Variants in MALRD1 observed in about 807,000 individuals in gnomAD.
MALRD1 encodes the protein MAM and LDL-receptor class A domain-containing protein 1.
In MALRD1, 247 loss-of-function variants were observed where a neutral mutation model predicts 242.1. That is an observed-to-expected ratio of 1.02 (90% CI 0.92 to 1.13). The LOEUF (loss-of-function observed/expected upper bound fraction) is 1.13, where lower values mean the gene tolerates loss of function less well. MALRD1 is among the 50% of genes most tolerant of loss of function. The pLI is 0.00. For missense variants in MALRD1, 2,989 were observed against 2,533.1 expected (o/e 1.18, Z -3.86); for synonymous variants, 995 against 866.6 (o/e 1.15, Z -2.60).
At chr10:19,415,909 C>A (rs1251438987) in intron 28 of MALRD1, among the ~76,000 whole-genome samples, 1 of 152,122 alleles carries the variant, frequency 6.6e-6, no homozygotes, top group Non-Finnish European at 1.5e-5. Flanking sequence ...ATTAAGAATA[C>A]GGCTTGATAA....
chr10:19,057,623 AAC>A (rs1177350729), intron 1 of MALRD1, among the ~76,000 whole-genome samples: 3 of 152,202 alleles, frequency 2.0e-5, no homozygotes, highest in African/African-American at 7.2e-5. Context: ...AGTCAGAAAA[AAC>A]ACAGATGTGC....
intron 2 of MALRD1, among the ~76,000 whole-genome samples, chr10:19,071,404 C>A (rs2131256613): frequency 6.6e-6 from 1 of 151,910 alleles, no homozygotes; most frequent in South Asian, 2.1e-4. Context: ...CAGGAGAGAG[C>A]AGTCCTTCTC....
intron 32 of MALRD1, among the ~76,000 whole-genome samples, chr10:19,565,951 C>T (rs966409683): frequency 1.3e-5 from 2 of 152,002 alleles, no homozygotes; most frequent in African/African-American, 4.8e-5. Flanking sequence ...CCATTAACAT[C>T]TCGATTTCTG....
chr10:19,144,596 C>T (rs930708280), intron 10 of MALRD1, among the ~76,000 whole-genome samples: 9 of 152,186 alleles, frequency 5.9e-5, no homozygotes, highest in African/African-American at 2.2e-4. Flanking sequence ...TTAAATTGGC[C>T]GTATTAAAAT....
chr10:19,504,754 C>G (rs1381772467), intron 31 of MALRD1, among the ~76,000 whole-genome samples: 1 of 142,324 alleles, frequency 7.0e-6, no homozygotes, highest in African/African-American at 2.7e-5. Context: ...GCAATCTCGG[C>G]TCACTGCAAG....
At chr10:19,498,841 A>G (rs1222584970) in intron 31 of MALRD1, among the ~76,000 whole-genome samples, 195 bp downstream of exon 31, 2 of 152,216 alleles carry the variant, frequency 1.3e-5, no homozygotes, top group African/African-American at 4.8e-5. Flanking sequence ...CACTGCTACA[A>G]CAAAGCAACT....
chr10:19,605,383 G>C (rs1049055062), intron 34 of MALRD1, among the ~76,000 whole-genome samples: 3 of 151,278 alleles, frequency 2.0e-5, no homozygotes, highest in Non-Finnish European at 4.4e-5. Context: ...GGCCAGGCTG[G>C]TCTCAAACTC....
At chr10:19,589,154 A>T (rs1837618953) in intron 33 of MALRD1, among the ~76,000 whole-genome samples, 1 of 152,228 alleles carries the variant, frequency 6.6e-6, no homozygotes, top group Admixed American at 6.5e-5. Context: ...ACTGAAACAT[A>T]GGTTCTAAGG....
chr10:19,562,126 T>A (rs1352216775), intron 32 of MALRD1, among the ~76,000 whole-genome samples: 1 of 152,114 alleles, frequency 6.6e-6, no homozygotes, highest in Non-Finnish European at 1.5e-5. Flanking sequence ...TGAAACCCTG[T>A]CTCTACTAAA....
chr10:19,447,242 T>A (rs900699906), intron 28 of MALRD1, among the ~76,000 whole-genome samples: 1 of 152,212 alleles, frequency 6.6e-6, no homozygotes, highest in Non-Finnish European at 1.5e-5. Flanking sequence ...TACCTGGCAC[T>A]GTGTGAGCAC....
intron 21 of MALRD1, among the ~76,000 whole-genome samples, chr10:19,295,124 T>G (rs373950791): frequency 1.3e-5 from 2 of 152,094 alleles, no homozygotes; most frequent in Non-Finnish European, 2.9e-5. Flanking sequence ...CGTTGAACAA[T>G]GTATAGCTTT....
rs532150467 is a variant in MALRD1 at position 19,327,004 on chromosome 10, G to A, written c.3577-559G>A. ...TAATCTGGATTCTGCTTTACATTGGGGGTACAGTACTGATGAGAATATGTT... is the reference window on the plus strand; with the variant it reads ...TAATCTGGATTCTGCTTTACATTGGAGGTACAGTACTGATGAGAATATGTT... On this transcript the variant is annotated intron_variant, in intron 22 of 39. Transcript: ENST00000454679. Among the ~76,000 whole-genome samples the A allele has an allele frequency of 3.3e-5, 5 of 152,068 alleles. No homozygotes were observed. In the East Asian group the frequency reaches 9.7e-4, roughly 29 times the overall value.
At chr10:19,288,978 ATC>A (rs1017431212) in intron 21 of MALRD1, among the ~76,000 whole-genome samples, 4 of 151,864 alleles carry the variant, frequency 2.6e-5, no homozygotes, top group African/African-American at 9.7e-5. Flanking sequence ...CTGCTTTTGG[ATC>A]TCTCTTTTGT....
At chr10:19,188,660 A>G (rs72792611) in intron 14 of MALRD1, among the ~76,000 whole-genome samples, 13,058 of 152,168 alleles carry the variant, frequency 0.086, 730 homozygotes, top group South Asian at 0.3. Context: ...GCAAATCTTT[A>G]TGTTCAACGG....
At chr10:19,619,555 CAT>C (rs1405629267) in intron 36 of MALRD1, among the ~76,000 whole-genome samples, 19 of 151,914 alleles carry the variant, frequency 1.3e-4, no homozygotes, top group African/African-American at 2.4e-5. Flanking sequence ...ACAAATTACA[CAT>C]GATATAAATT....
In MALRD1 at chr10:19,241,759, TCTTA is replaced by T. The variant is rs1357597210; in HGVS notation, c.2992-15921_2992-15918del. 7.9e-5 allele frequency among the ~76,000 whole-genome samples: 12 copies of T among 152,318 alleles called. 1 individual carries two copies. The highest frequency in any genetic ancestry group is 7.9e-4 in the Admixed American group (12 of 15,278). Reference sequence around the variant, plus strand: ...AGGTTTGGGTATGTTGGATTTTCATTCTTACTTGTCTCAGTGACTTTTGTAATTT... The same window carrying T: ...AGGTTTGGGTATGTTGGATTTTCATTCTTGTCTCAGTGACTTTTGTAATTT... On this transcript the variant is annotated intron_variant, in intron 18 of 39. Transcript: ENST00000454679.
At position 19,625,693 on chromosome 10, in the gene MALRD1, A is replaced by G. The variant is rs76484989; in HGVS notation, c.6137+9770A>G. Among the ~76,000 whole-genome samples the G allele has an allele frequency of 3.8e-3, 586 of 152,260 alleles. 2 individuals are homozygous for G. The highest frequency in any genetic ancestry group is 0.014 in the Middle Eastern group (4 of 294). On this transcript the variant is annotated intron_variant, in intron 36 of 39. Coordinates refer to ENST00000454679, the MANE Select transcript of MALRD1 (RefSeq NM_001142308.3). ...CTCTGCCATGATGAAGCTGTGAATT[A>G]AAAGGGGGTACTGCACTTGCTGAAA...
At chr10:19,355,564 C>T (rs545302744) in intron 26 of MALRD1, among the ~76,000 whole-genome samples, 24 of 151,044 alleles carry the variant, frequency 1.6e-4, no homozygotes, top group South Asian at 2.1e-4. Context: ...AAAATTGAGA[C>T]GAGATACTGC....
chr10:19,059,371 G>A lies in MALRD1; in HGVS notation c.200-7348G>A, dbSNP rs191612705. Among the ~76,000 whole-genome samples the A allele has an allele frequency of 1.6e-3, 237 of 151,706 alleles. 2 individuals are homozygous for A. The South Asian group carries it at 0.026, about 16-fold the overall frequency. ...TTATGATTTCAACTTTTCTAAAATA[G>A]CATCTATTGTTTTTGGGGTTTTGTT... On this transcript the variant is annotated intron_variant, in intron 1 of 39. Transcript: ENST00000454679.
Sources: gnomAD v4.1 joint callset for allele counts (sites outside exome capture counted in the v4.1 genomes callset) on GRCh38, gnomAD v4.1.1 for gene constraint, MANE v1.5 for transcripts, NCBI Gene and HGNC (gene_info 2026-07-23, HGNC 2026-07-21) for gene names.